The following CADM2 variants were observed in gnomAD, a reference collection of about 807,000 sequenced individuals.
The protein encoded by CADM2 is immunoglobulin superfamily member 4D.
A neutral mutation model predicts 49.8 loss-of-function variants in CADM2; 12 were observed. The observed-to-expected ratio is 0.24, with a 90% CI of 0.15 to 0.39. The LOEUF (loss-of-function observed/expected upper bound fraction) is 0.39, where lower values mean the gene tolerates loss of function less well. CADM2 is among the 10% of genes least tolerant of loss of function. The probability of loss-of-function intolerance (pLI) is 1.00; values close to 1 mark genes in which losing one functional copy is unlikely to be tolerated. For synonymous variants in CADM2, 214 were observed against 175.4 expected, an observed-to-expected ratio of 1.22 and a Z score of -1.74; for missense variants, 378 against 492.3, an observed-to-expected ratio of 0.77 and a Z score of 2.20.
intron 1 of CADM2, among the ~76,000 whole-genome samples, chr3:85,496,937 G>A (rs2039929880): frequency 6.6e-6 from 1 of 152,136 alleles, no homozygotes; most frequent in East Asian, 1.9e-4. Context: ...TCCAACGCCC[G>A]GGCTCAAGGG....
intron 5 of CADM2, among the ~76,000 whole-genome samples, chr3:85,900,087 A>G (rs1214980577): frequency 1.3e-5 from 2 of 152,214 alleles, no homozygotes; most frequent in South Asian, 4.1e-4. Context: ...CTCTCAAGAT[A>G]TTAAGCAGGG....
chr3:85,786,006 G>C (rs1460983142), intron 2 of CADM2, among the ~76,000 whole-genome samples: 1 of 151,972 alleles, frequency 6.6e-6, no homozygotes, highest in Non-Finnish European at 1.5e-5. Flanking sequence ...AGGAGTTCCG[G>C]ATACTAGAGG....
chr3:85,327,589 C>CACACACA (rs1553709186), intron 1 of CADM2, among the ~76,000 whole-genome samples: 2 of 115,278 alleles, frequency 1.7e-5, no homozygotes, highest in Non-Finnish European at 3.9e-5. Flanking sequence ...CACACACACA[C>CACACACA]CACACACACA....
chr3:85,518,704 C>T (rs979425153), intron 1 of CADM2, among the ~76,000 whole-genome samples: 1 of 151,960 alleles, frequency 6.6e-6, no homozygotes, highest in Non-Finnish European at 1.5e-5. Flanking sequence ...TCACTTCAGT[C>T]TCTGCCTCCA....
chr3:85,682,769 G>A (rs572389842), intron 1 of CADM2, among the ~76,000 whole-genome samples: 6 of 152,078 alleles, frequency 3.9e-5, no homozygotes, highest in African/African-American at 1.4e-4. Context: ...AATACAGATA[G>A]TCCTGAATCC....
intron 3 of CADM2, among the ~76,000 whole-genome samples, chr3:85,824,938 G>T (rs919346810): frequency 2.0e-5 from 3 of 152,014 alleles, no homozygotes; most frequent in African/African-American, 7.2e-5. Context: ...AACCAATGAT[G>T]ACTTAGTTCT....
chr3:85,026,140 G>A (rs1231444330), intron 1 of CADM2, among the ~76,000 whole-genome samples: 1 of 152,008 alleles, frequency 6.6e-6, no homozygotes, highest in Non-Finnish European at 1.5e-5. Context: ...TTTCTTTTAA[G>A]CAATTTACAT....
At chr3:85,059,343 C>A (rs1241217531) in intron 1 of CADM2, among the ~76,000 whole-genome samples, 1 of 151,554 alleles carries the variant, frequency 6.6e-6, no homozygotes, top group African/African-American at 2.4e-5. Flanking sequence ...CTATGCATTT[C>A]TCTAAAGTCT....
chr3:85,428,960 C>T (rs1202317086), intron 1 of CADM2, among the ~76,000 whole-genome samples: 1 of 151,854 alleles, frequency 6.6e-6, no homozygotes, highest in African/African-American at 2.4e-5. Context: ...GTCAAATTCT[C>T]TGATCAATAC....
intron 1 of CADM2, among the ~76,000 whole-genome samples, chr3:84,970,384 C>G (rs557509336): frequency 4.6e-5 from 7 of 151,480 alleles, no homozygotes; most frequent in East Asian, 3.9e-4. Context: ...AGAAAAGACT[C>G]TACAATTTGT....
intron 3 of CADM2, among the ~76,000 whole-genome samples, chr3:85,870,093 T>C (rs761770786): frequency 2.0e-5 from 3 of 152,216 alleles, no homozygotes; most frequent in Non-Finnish European, 4.4e-5. Context: ...TCTCCTGGGC[T>C]CATTAGAAAC....
At chr3:85,756,719 A>G (rs975663169) in intron 2 of CADM2, among the ~76,000 whole-genome samples, 3 of 152,140 alleles carry the variant, frequency 2.0e-5, no homozygotes, top group Non-Finnish European at 4.4e-5. Context: ...CTCAGCATAG[A>G]TATTAAGATT....
intron 1 of CADM2, among the ~76,000 whole-genome samples, chr3:85,197,812 A>T (rs1434514491): frequency 6.6e-6 from 1 of 151,918 alleles, no homozygotes; most frequent in Non-Finnish European, 1.5e-5. Context: ...TGTGCCTCTT[A>T]GGAGTACGTA....
At chr3:85,987,333 A>C (rs2108687115) in intron 8 of CADM2, among the ~76,000 whole-genome samples, 1 of 152,004 alleles carries the variant, frequency 6.6e-6, no homozygotes, top group African/African-American at 2.4e-5. Flanking sequence ...AGCTTCCATC[A>C]ATTTAAACAG....
chr3:85,280,732 C>T (rs2043479338), intron 1 of CADM2, among the ~76,000 whole-genome samples: 1 of 151,706 alleles, frequency 6.6e-6, no homozygotes, highest in Non-Finnish European at 1.5e-5. Context: ...TTGGGAACTT[C>T]ATTAGCAACA....
chr3:85,474,110 T>A (rs1308444682), intron 1 of CADM2, among the ~76,000 whole-genome samples: 1 of 151,866 alleles, frequency 6.6e-6, no homozygotes, highest in African/African-American at 2.4e-5. Flanking sequence ...TTTGTATTAG[T>A]TAGGGATCTC....
chr3:85,872,708 T>C (rs974970909), intron 3 of CADM2, among the ~76,000 whole-genome samples: 2 of 149,088 alleles, frequency 1.3e-5, no homozygotes, highest in Non-Finnish European at 3.0e-5. Flanking sequence ...TATAAATTTA[T>C]GTTTATATTT....
chr3:85,398,155 C>G (rs997279608), intron 1 of CADM2, among the ~76,000 whole-genome samples: 4 of 152,044 alleles, frequency 2.6e-5, no homozygotes, highest in East Asian at 1.9e-4. Context: ...TTCCCTCCCC[C>G]CTTCCCCCAC....
intron 1 of CADM2, among the ~76,000 whole-genome samples, chr3:85,416,794 G>A (rs532339773): frequency 6.6e-6 from 1 of 152,220 alleles, no homozygotes; most frequent in African/African-American, 2.4e-5. Flanking sequence ...ATTAGGAAGA[G>A]GTATATGGTT....
Sources: allele counts gnomAD v4.1 joint callset (sites outside exome capture counted in the v4.1 genomes callset), GRCh38; gene constraint gnomAD v4.1.1; transcripts MANE v1.5; gene names NCBI Gene and HGNC (gene_info 2026-07-23, HGNC 2026-07-21).